CMKLR1: variants seen among roughly 807,000 people sequenced by gnomAD.
CMKLR1 encodes the protein chemerin chemokine-like receptor 1, also known as chemerin-like receptor 1.
In CMKLR1, 6 loss-of-function variants were observed where a neutral mutation model predicts 8.2. The ratio of observed to expected loss-of-function variants is 0.73; its 90% CI spans 0.40 to 1.44. CMKLR1 has a LOEUF of 1.44. Among genes scored for constraint, CMKLR1 ranks in the 40% most tolerant of loss-of-function variants. CMKLR1 has a pLI of 0.02. For synonymous variants in CMKLR1, 178 were observed against 181.2 expected, an observed-to-expected ratio of 0.98 and a Z score of 0.14; for missense variants, 429 against 478.0, an observed-to-expected ratio of 0.90 and a Z score of 0.96.
At chr12:108,308,367 G>T (rs1404276581) in intron 2 of CMKLR1, among the ~76,000 whole-genome samples, 3 of 152,108 alleles carry the variant, frequency 2.0e-5, no homozygotes, top group Non-Finnish European at 4.4e-5. Context: ...ACTGTTTTAG[G>T]GTCCCAGGAG....
chr12:108,327,828 C>T (rs1346139452), intron 2 of CMKLR1, among the ~76,000 whole-genome samples: 2 of 152,192 alleles, frequency 1.3e-5, no homozygotes, highest in East Asian at 3.8e-4. Context: ...AGTGGGCTTC[C>T]TGGGCCCCGG....
intron 1 of CMKLR1, among the ~76,000 whole-genome samples, 156 bp from the exon 2 acceptor site, chr12:108,330,363 C>G (rs1250045549): frequency 1.3e-5 from 2 of 152,232 alleles, no homozygotes; most frequent in African/African-American, 4.8e-5. Context: ...CCCTGCAGAA[C>G]TCTGCTAAGT....
chr12:108,331,963 T>C (rs1271843852), intron 1 of CMKLR1, among the ~76,000 whole-genome samples: 1 of 152,246 alleles, frequency 6.6e-6, no homozygotes, highest in Non-Finnish European at 1.5e-5. Flanking sequence ...TTATGGTTAT[T>C]GTTATAGCAG....
intron 2 of CMKLR1, among the ~76,000 whole-genome samples, chr12:108,313,838 A>G (rs1366363618): frequency 6.6e-6 from 1 of 152,002 alleles, no homozygotes; most frequent in Admixed American, 6.5e-5. Context: ...CCTTTTTTTC[A>G]CTACACTGAC....
intron 2 of CMKLR1, among the ~76,000 whole-genome samples, chr12:108,315,014 C>T (rs545966389): frequency 6.6e-6 from 1 of 150,652 alleles, no homozygotes; most frequent in South Asian, 2.1e-4. Context: ...CTCAGCTCAC[C>T]GCAATATCCA....
intron 2 of CMKLR1, among the ~76,000 whole-genome samples, chr12:108,309,751 A>T (rs933000268): frequency 1.3e-5 from 2 of 152,214 alleles, no homozygotes; most frequent in Non-Finnish European, 2.9e-5. Flanking sequence ...GGTTATCCAC[A>T]GTCCCCACCC....
At chr12:108,323,952 GACT>G (rs1421022436) in intron 2 of CMKLR1, among the ~76,000 whole-genome samples, 1 of 152,186 alleles carries the variant, frequency 6.6e-6, no homozygotes, top group Non-Finnish European at 1.5e-5. Context: ...AGGCACAGAG[GACT>G]ACTTCCAGCT....
chr12:108,318,127 T>A (rs1362796459), intron 2 of CMKLR1, among the ~76,000 whole-genome samples: 1 of 152,238 alleles, frequency 6.6e-6, no homozygotes, highest in African/African-American at 2.4e-5. Flanking sequence ...GTCCCAGGGA[T>A]GGGCACTTGA....
chr12:108,301,168 C>T (rs1319229930), intron 2 of CMKLR1, among the ~76,000 whole-genome samples: 6 of 149,470 alleles, frequency 4.0e-5, no homozygotes, highest in Admixed American at 1.3e-4. Flanking sequence ...CTCTGCCTCT[C>T]GGGTTCAAGT....
rs780083303 is a variant in CMKLR1 at position 108,292,961 on chromosome 12, T to C, written c.4-2A>G. 6.2e-7 allele frequency: 1 copy of C among 1,601,186 alleles called. No homozygotes were observed. The highest frequency in any genetic ancestry group is 2.2e-5 in the East Asian group (1 of 44,724). ...GTTGTAATCTTCATCCTCCATTCTCTGCAAGAGAAGACAGGGACCATTAGA... is the reference window on the plus strand; with the variant it reads ...GTTGTAATCTTCATCCTCCATTCTCCGCAAGAGAAGACAGGGACCATTAGA... On this transcript the variant is annotated splice_acceptor_variant, in intron 3 of 3. Coordinates refer to ENST00000550402, the MANE Select transcript of CMKLR1 (RefSeq NM_001142343.2). LOFTEE classifies it high-confidence loss of function.
chr12:108,336,381 C>A (rs2137350130), intron 1 of CMKLR1, among the ~76,000 whole-genome samples: 2 of 152,212 alleles, frequency 1.3e-5, no homozygotes, highest in Admixed American at 1.3e-4. Flanking sequence ...CCCGTCTCTA[C>A]TAAAAATACA....
Position 108,320,491 on chromosome 12 carries a change from T to C in CMKLR1, c.-74+9504A>G, listed in dbSNP as rs1380732126. On this transcript the variant is annotated intron_variant, in intron 2 of 3. Coordinates refer to ENST00000550402, the MANE Select transcript of CMKLR1 (RefSeq NM_001142343.2). ...ACTGTGAATACCTCTCCCCCACATT[T>C]AGAAAGAGCCAAAAGTGCCAGTCCA... 3.3e-5 allele frequency: 5 copies of C among 152,358 alleles called. 1 individual carries two copies. The highest frequency in any genetic ancestry group is 4.8e-5 in the African/African-American group (2 of 41,558). The allele number at this position is 152,358 out of a possible 1,614,324, so 9.4% of individuals were successfully genotyped here. A position where few individuals can be genotyped will look rare whatever the true frequency, so the allele number is the denominator to read the frequency against.
intron 2 of CMKLR1, among the ~76,000 whole-genome samples, chr12:108,295,640 G>A (rs1384414323): frequency 6.6e-6 from 1 of 152,192 alleles, no homozygotes; most frequent in Non-Finnish European, 1.5e-5. Flanking sequence ...GAGTTTTAAG[G>A]ACAAGTATGA....
At chr12:108,313,989 C>T (rs889502519) in intron 2 of CMKLR1, among the ~76,000 whole-genome samples, 3 of 152,154 alleles carry the variant, frequency 2.0e-5, no homozygotes, top group African/African-American at 4.8e-5. Context: ...TCATTCTTAA[C>T]CCTTTGCCAG....
intron 2 of CMKLR1, among the ~76,000 whole-genome samples, chr12:108,327,832 G>A (rs1399173731): frequency 6.6e-6 from 1 of 152,182 alleles, no homozygotes; most frequent in Non-Finnish European, 1.5e-5. Context: ...GGCTTCCTGG[G>A]CCCCGGGAAA....
At chr12:108,336,972 A>G (rs530005868) in intron 1 of CMKLR1, among the ~76,000 whole-genome samples, 2 of 152,390 alleles carry the variant, frequency 1.3e-5, no homozygotes, top group East Asian at 3.9e-4. Context: ...GAGGAAACTC[A>G]GGCACAAAGA....
intron 2 of CMKLR1, among the ~76,000 whole-genome samples, chr12:108,322,638 C>T (rs893148291): frequency 6.6e-6 from 1 of 151,756 alleles, no homozygotes; most frequent in South Asian, 2.1e-4. Flanking sequence ...CCCACAAGAA[C>T]TGATTGTTTA....
intron 2 of CMKLR1, among the ~76,000 whole-genome samples, chr12:108,298,398 A>G (rs184208539): frequency 6.4e-4 from 98 of 152,282 alleles, no homozygotes; most frequent in Non-Finnish European, 6.9e-4. Context: ...TGCTAATGTC[A>G]CAGAGTTCAG....
chr12:108,323,236 C>T (rs891812527), intron 2 of CMKLR1, among the ~76,000 whole-genome samples: 1 of 152,228 alleles, frequency 6.6e-6, no homozygotes, highest in African/African-American at 2.4e-5. Context: ...AGAAACAACA[C>T]ATTAATACCC....
Sources: allele counts gnomAD v4.1 joint callset (sites outside exome capture counted in the v4.1 genomes callset), GRCh38; gene constraint gnomAD v4.1.1; transcripts MANE v1.5; gene names NCBI Gene and HGNC (gene_info 2026-07-23, HGNC 2026-07-21).